Variants in CNTN4 observed in about 807,000 individuals in gnomAD.
CNTN4 encodes contactin 4.
In CNTN4, 77 loss-of-function variants were observed where a neutral mutation model predicts 122.5. The ratio of observed to expected loss-of-function variants is 0.63; its 90% CI spans 0.52 to 0.76. CNTN4 has a LOEUF of 0.76. Ranked by LOEUF, CNTN4 falls within the 30% of genes least tolerant of loss-of-function variation. The pLI, the probability that CNTN4 is intolerant of heterozygous loss-of-function variation, is 0.00. For synonymous variants in CNTN4, 512 were observed against 447.0 expected (o/e 1.15, Z -1.83); for missense variants, 1,256 against 1,259.1 (o/e 1.00, Z 0.04).
At chr3:2,101,009 A>G (rs1335690988) in intron 2 of CNTN4, among the ~76,000 whole-genome samples, 1 of 152,236 alleles carries the variant, frequency 6.6e-6, no homozygotes, top group African/African-American at 2.4e-5. Flanking sequence ...TCCTATTTGC[A>G]GTTTTTTAAA....
intron 14 of CNTN4, among the ~76,000 whole-genome samples, chr3:3,002,949 C>T (rs191707712): frequency 4.3e-4 from 65 of 152,260 alleles, no homozygotes; most frequent in African/African-American, 1.5e-3. Context: ...AGCTCATCCA[C>T]GAATGGTCAT....
intron 4 of CNTN4, among the ~76,000 whole-genome samples, chr3:2,646,282 C>G (rs958342146): frequency 6.6e-6 from 1 of 152,112 alleles, no homozygotes; most frequent in African/African-American, 2.4e-5. Flanking sequence ...TATTCAATTT[C>G]TAGGACTTCA....
rs554134560 is a variant in CNTN4 at position 2,476,337 on chromosome 3, A to AT, written c.-88-95074dup. On this transcript the variant is annotated intron_variant, in intron 3 of 24. Coordinates refer to ENST00000418658, the MANE Select transcript of CNTN4 (RefSeq NM_175607.3). ...GTTTCCACTGCAGGATCTTGAGTACATTTTTGTTTCTCTAAAAGTTTCACA... is the reference window on the plus strand; with the variant it reads ...GTTTCCACTGCAGGATCTTGAGTACATTTTTTGTTTCTCTAAAAGTTTCACA... Among the ~76,000 whole-genome samples, 372 of 152,268 alleles carry AT rather than the reference A, an allele frequency of 2.4e-3. 1 individual carries two copies. The highest frequency in any genetic ancestry group is 8.8e-3 in the African/African-American group (365 of 41,548).
chr3:2,620,312 C>A (rs143358206), intron 4 of CNTN4, among the ~76,000 whole-genome samples: 2 of 152,004 alleles, frequency 1.3e-5, no homozygotes, highest in Non-Finnish European at 2.9e-5. Context: ...CCAGCCTGGG[C>A]AACACAGCAA....
At chr3:2,137,575 G>GTAACTTTATCACATTGGAA (rs2034756983) in intron 2 of CNTN4, among the ~76,000 whole-genome samples, 1 of 152,156 alleles carries the variant, frequency 6.6e-6, no homozygotes. Context: ...TTATATTTGT[G>GTAACTTTATCACATTGGAA]AGTTATTGTA....
At chr3:2,150,076 A>G (rs1392048314) in intron 2 of CNTN4, among the ~76,000 whole-genome samples, 1 of 152,082 alleles carries the variant, frequency 6.6e-6, no homozygotes, top group Non-Finnish European at 1.5e-5. Context: ...AATATTCTAC[A>G]AGATGCTTAG....
intron 7 of CNTN4, among the ~76,000 whole-genome samples, chr3:2,862,943 A>G (rs983741959): frequency 6.6e-6 from 1 of 152,194 alleles, no homozygotes; most frequent in Non-Finnish European, 1.5e-5. Flanking sequence ...TTTGTCCTAG[A>G]TGGGACACTG....
At chr3:2,814,069 A>G (rs1044064100) in intron 6 of CNTN4, among the ~76,000 whole-genome samples, 4 of 152,240 alleles carry the variant, frequency 2.6e-5, no homozygotes, top group African/African-American at 9.6e-5. Context: ...ATAGGAGAAT[A>G]AAGGACAGCT....
intron 2 of CNTN4, among the ~76,000 whole-genome samples, chr3:2,282,554 G>A (rs2041758249): frequency 2.0e-5 from 3 of 152,024 alleles, no homozygotes; most frequent in Admixed American, 2.0e-4. Context: ...CTGACCCAAG[G>A]TGTGCAAATG....
At chr3:2,968,040 AG>A (rs902840436) in intron 13 of CNTN4, among the ~76,000 whole-genome samples, 35 of 152,126 alleles carry the variant, frequency 2.3e-4, no homozygotes, top group Admixed American at 2.2e-3. Flanking sequence ...CCTTGCCTTC[AG>A]GCTTCTGTTC....
chr3:2,478,454 T>G (rs2075892724), intron 3 of CNTN4, among the ~76,000 whole-genome samples: 1 of 147,818 alleles, frequency 6.8e-6, no homozygotes, highest in African/African-American at 2.5e-5. Flanking sequence ...CAGAGGTACA[T>G]GTGTGGGATG....
At chr3:2,541,477 A>G (rs1253785559) in intron 3 of CNTN4, among the ~76,000 whole-genome samples, 2 of 152,150 alleles carry the variant, frequency 1.3e-5, no homozygotes. Context: ...GGGTTTATAT[A>G]AAATTCTGAT....
At chr3:2,592,609 A>G (rs911923624) in intron 4 of CNTN4, among the ~76,000 whole-genome samples, 1 of 152,188 alleles carries the variant, frequency 6.6e-6, no homozygotes, top group Admixed American at 6.5e-5. Context: ...TTGCCTGCCA[A>G]CATCCATGTA....
intron 6 of CNTN4, among the ~76,000 whole-genome samples, chr3:2,778,041 C>G (rs999225915): frequency 4.2e-4 from 63 of 150,994 alleles, no homozygotes; most frequent in African/African-American, 1.5e-3. Flanking sequence ...GGTGAAACCC[C>G]GTCTCTACTA....
intron 6 of CNTN4, among the ~76,000 whole-genome samples, chr3:2,799,545 C>G (rs2092294153): frequency 6.6e-6 from 1 of 151,974 alleles, no homozygotes; most frequent in Non-Finnish European, 1.5e-5. Flanking sequence ...TCACTGCAAC[C>G]TCTGCCTCCG....
At chr3:2,598,285 T>C (rs2080867634) in intron 4 of CNTN4, among the ~76,000 whole-genome samples, 1 of 152,182 alleles carries the variant, frequency 6.6e-6, no homozygotes, top group Non-Finnish European at 1.5e-5. Context: ...AGTTCCACAC[T>C]CCGTAAATTG....
chr3:2,394,447 A>G (rs956957683), intron 3 of CNTN4, among the ~76,000 whole-genome samples: 8 of 152,192 alleles, frequency 5.3e-5, no homozygotes, highest in Non-Finnish European at 2.9e-5. Flanking sequence ...GCCCTATACC[A>G]CATACCAATG....
chr3:2,784,714 G>A (rs7623879), intron 6 of CNTN4, among the ~76,000 whole-genome samples: 141,419 of 152,276 alleles, frequency 0.93, 65,719 homozygotes, highest in South Asian at 0.98. Context: ...TCCCAGCTGT[G>A]CTTGTCACCT....
chr3:2,649,806 A>G (rs950175382), intron 4 of CNTN4, among the ~76,000 whole-genome samples: 3 of 151,940 alleles, frequency 2.0e-5, no homozygotes, highest in African/African-American at 7.2e-5. Flanking sequence ...AAACTCTTCT[A>G]GAAAGGATTC....
Sources: gnomAD v4.1 joint callset for allele counts (sites outside exome capture counted in the v4.1 genomes callset) on GRCh38, gnomAD v4.1.1 for gene constraint, MANE v1.5 for transcripts, NCBI Gene and HGNC (gene_info 2026-07-23, HGNC 2026-07-21) for gene names.